The following C10orf67 variants were observed in gnomAD, a reference collection of about 807,000 sequenced individuals.
The protein encoded by C10orf67 is uncharacterized protein C10orf67, mitochondrial.
A neutral mutation model predicts 35.6 loss-of-function variants in C10orf67; 60 were observed. The observed-to-expected ratio is 1.68, with a 90% CI of 1.37 to 2.09. The LOEUF (loss-of-function observed/expected upper bound fraction) is 2.09. C10orf67 is among the 30% of genes most tolerant of loss of function. The pLI is 0.00. For synonymous variants in C10orf67, 167 were observed against 115.8 expected, an observed-to-expected ratio of 1.44 and a Z score of -2.84; for missense variants, 474 against 330.2, an observed-to-expected ratio of 1.44 and a Z score of -3.38.
intron 4 of C10orf67, among the ~76,000 whole-genome samples, chr10:23,312,202 T>C (rs1844527039): frequency 6.6e-6 from 1 of 152,188 alleles, no homozygotes; most frequent in Non-Finnish European, 1.5e-5. Context: ...TAAGACAAAC[T>C]TTTTCCTGAA....
intron 15 of C10orf67, among the ~76,000 whole-genome samples, chr10:23,211,197 T>A (rs1159922202): frequency 6.6e-6 from 1 of 152,154 alleles, no homozygotes; most frequent in Non-Finnish European, 1.5e-5. Flanking sequence ...TGCCTCCTCC[T>A]AGCTTCAGAT....
At chr10:23,311,689 C>T (rs1233693640) in intron 4 of C10orf67, among the ~76,000 whole-genome samples, 2 of 146,190 alleles carry the variant, frequency 1.4e-5, no homozygotes, top group African/African-American at 5.1e-5. Flanking sequence ...CCAGCCTGGG[C>T]AACAAGAGCG....
chr10:23,279,814 G>A (rs1249896968), intron 8 of C10orf67, among the ~76,000 whole-genome samples: 1 of 150,922 alleles, frequency 6.6e-6, no homozygotes, highest in Non-Finnish European at 1.5e-5. Context: ...TAATAAATAT[G>A]TGTATAAGTT....
chr10:23,323,134 T>C (rs563046853), intron 2 of C10orf67, among the ~76,000 whole-genome samples: 346 of 152,276 alleles, frequency 2.3e-3, no homozygotes, highest in Non-Finnish European at 3.3e-3. Context: ...GAAGAAAATA[T>C]CTGTGTTAAT....
At chr10:23,275,422 G>C (rs1843159807) in intron 8 of C10orf67, among the ~76,000 whole-genome samples, 1 of 152,194 alleles carries the variant, frequency 6.6e-6, no homozygotes, top group Non-Finnish European at 1.5e-5. Context: ...CCTTCGGGAA[G>C]AGATTGTCCC....
rs559786480 is a variant in C10orf67, at chr10:23,204,190, C to A, written c.1636G>T (p.Ala546Ser). 1.6e-6 allele frequency: 1 copy of A among 640,758 alleles called. No individual in the cohort carries two copies. The highest frequency in any genetic ancestry group is 2.9e-6 in the Non-Finnish European group (1 of 343,692). The allele number at this position is 640,758 out of a possible 1,614,324, so 39.7% of individuals were successfully genotyped here. A position where few individuals can be genotyped will look rare whatever the true frequency, so the allele number is the denominator to read the frequency against. The change falls in exon 16 of 16, where the codon GCA becomes TCA. Residue 546 changes from alanine (A) to serine (S), a missense_variant. Ala to Ser is a moderately conservative substitution (Grantham distance 99, BLOSUM62 1). Coordinates refer to ENST00000636213, the MANE Select transcript of C10orf67 (RefSeq NM_001371909.1). ...CTGCTGGGTTAATCAACAGTCTCTGCGGGGCTGCTCTGGCGCATGGAGGGC... is the reference window on the plus strand; with the variant it reads ...CTGCTGGGTTAATCAACAGTCTCTGAGGGGCTGCTCTGGCGCATGGAGGGC... The part of the protein sequence containing the change: ...EEPSMRQSSP[A>S]ETVD
chr10:23,340,498 T>G (rs374577308), intron 1 of C10orf67, among the ~76,000 whole-genome samples: 1 of 152,060 alleles, frequency 6.6e-6, no homozygotes, highest in Admixed American at 6.6e-5. Context: ...CCAGCCTGGG[T>G]GACAGAGGGG....
chr10:23,229,074 C>T (rs953703323), intron 13 of C10orf67, among the ~76,000 whole-genome samples: 1 of 152,100 alleles, frequency 6.6e-6, no homozygotes, highest in African/African-American at 2.4e-5. Context: ...CCCAGCCATT[C>T]CATTACTGGC....
intron 10 of C10orf67, among the ~76,000 whole-genome samples, chr10:23,254,167 A>C (rs1052864863): frequency 6.6e-6 from 1 of 152,242 alleles, no homozygotes; most frequent in Non-Finnish European, 1.5e-5. Context: ...ACAAACACAA[A>C]TTAAATAATT....
In C10orf67 at chr10:23,323,915, ATAT is replaced by A. The variant is rs1464758674; in HGVS notation, c.328-1381_328-1379del. ...TCTAAATATATATATATATATATAT[ATAT>A]ATATATATATATATATATATATATA... On this transcript the variant is annotated intron_variant, in intron 2 of 15. Transcript: ENST00000636213. Among the ~76,000 whole-genome samples, 11 of 28,336 alleles carry A rather than the reference ATAT, an allele frequency of 3.9e-4. 2 individuals carry two copies. The highest frequency in any genetic ancestry group is 2.2e-3 in the African/African-American group (9 of 4,154). 18.6% of individuals were successfully genotyped at this position (28,336 alleles called of 152,430 possible).
intron 10 of C10orf67, among the ~76,000 whole-genome samples, chr10:23,261,048 T>C (rs777812850): frequency 5.3e-5 from 8 of 152,202 alleles, no homozygotes; most frequent in Non-Finnish European, 7.3e-5. Flanking sequence ...CCATCATTTC[T>C]GGGGGAATGA....
At chr10:23,205,332 G>A (rs1308011285) in intron 15 of C10orf67, among the ~76,000 whole-genome samples, 3 of 152,134 alleles carry the variant, frequency 2.0e-5, no homozygotes, top group African/African-American at 7.2e-5. Context: ...TAGCATAAAG[G>A]GCATTGTTTT....
chr10:23,227,427 G>C (rs943766817), intron 13 of C10orf67, among the ~76,000 whole-genome samples: 5 of 152,120 alleles, frequency 3.3e-5, no homozygotes, highest in African/African-American at 1.2e-4. Context: ...AGGTATTGAT[G>C]GGACATATCT....
intron 12 of C10orf67, among the ~76,000 whole-genome samples, chr10:23,242,067 G>T (rs543417824): frequency 6.6e-6 from 1 of 152,134 alleles, no homozygotes; most frequent in South Asian, 2.1e-4. Flanking sequence ...CACCTCCTGG[G>T]TTCAAGCAAT....
chr10:23,266,575 G>A (rs940780430), intron 9 of C10orf67, 149 bp from the exon 10 acceptor site: 1 of 395,258 alleles, frequency 2.5e-6, no homozygotes, highest in African/African-American at 2.1e-5. Flanking sequence ...TTGCTCCCAG[G>A]CCCACAATCT....
chr10:23,265,060 C>T (rs1268412366), intron 10 of C10orf67, among the ~76,000 whole-genome samples: 1 of 152,258 alleles, frequency 6.6e-6, no homozygotes, highest in Non-Finnish European at 1.5e-5. Context: ...AATTTACCCT[C>T]TTCCAGTGTC....
At chr10:23,322,063 G>A (rs1844976779) in intron 3 of C10orf67, among the ~76,000 whole-genome samples, 1 of 152,224 alleles carries the variant, frequency 6.6e-6, no homozygotes, top group South Asian at 2.1e-4. Context: ...GGTAGGATTA[G>A]AGGCATGTGT....
At chr10:23,237,484 T>C (rs1842079789) in intron 13 of C10orf67, among the ~76,000 whole-genome samples, 1 of 152,218 alleles carries the variant, frequency 6.6e-6, no homozygotes, top group Admixed American at 6.5e-5. Flanking sequence ...AGCAGCTTTT[T>C]TTTTCATAAT....
intron 13 of C10orf67, among the ~76,000 whole-genome samples, chr10:23,236,644 A>G (rs1842060964): frequency 6.6e-6 from 1 of 152,068 alleles, no homozygotes; most frequent in Non-Finnish European, 1.5e-5. Context: ...TTGGGAGCCC[A>G]AGGTGGGTGG....
Sources: gnomAD v4.1 joint callset for allele counts (sites outside exome capture counted in the v4.1 genomes callset) on GRCh38, gnomAD v4.1.1 for gene constraint, MANE v1.5 for transcripts, NCBI Gene and HGNC (gene_info 2026-07-23, HGNC 2026-07-21) for gene names.